MARCHF5: variants seen among roughly 807,000 people sequenced by gnomAD.
The protein encoded by MARCHF5 is E3 ubiquitin-protein ligase MARCHF5.
Under a neutral mutation model 36.5 loss-of-function variants are expected in MARCHF5, and 5 were observed. The observed-to-expected ratio is 0.14, with a 90% CI of 0.07 to 0.29. The LOEUF (loss-of-function observed/expected upper bound fraction) is 0.29, where lower values mean the gene tolerates loss of function less well. Among genes scored for constraint, MARCHF5 ranks in the 10% least tolerant of loss-of-function variants. The pLI is 1.00. For missense variants in MARCHF5, 179 were observed against 336.3 expected, an observed-to-expected ratio of 0.53 and a Z score of 3.66; for synonymous variants, 103 against 109.9, an observed-to-expected ratio of 0.94 and a Z score of 0.39.
At chr10:92,350,246 T>A (rs966168951) in intron 5 of MARCHF5, 3 of 179,320 alleles carry the variant, frequency 1.7e-5, no homozygotes, top group African/African-American at 7.2e-5. Flanking sequence ...GAGGATTGTA[T>A]AAGTACTAGC....
chr10:92,322,488 G>C (rs1438501459), intron 2 of MARCHF5, among the ~76,000 whole-genome samples: 1 of 143,380 alleles, frequency 7.0e-6, no homozygotes, highest in East Asian at 2.0e-4. Flanking sequence ...CAAACATGCT[G>C]GGATGCAGTG....
chr10:92,340,728 A>G lies in MARCHF5; in HGVS notation c.294A>G (p.Pro98=), dbSNP rs757230888. The G allele has an allele frequency of 6.8e-6, 11 of 1,613,772 alleles. 1 individual carries two copies. In the South Asian group the frequency reaches 1.1e-4, roughly 16 times the overall value. ...LADRLISKAC[P]FAAAGIMVGS... is the part of the protein sequence containing the mutation. Reference sequence around the variant, plus strand: ...ATAGACTGATCTCAAAAGCCTGTCCATTTGCTGCAGCAGGAATAATGGTCG... The same window carrying G: ...ATAGACTGATCTCAAAAGCCTGTCCGTTTGCTGCAGCAGGAATAATGGTCG... Residue 98 remains proline (P), a synonymous_variant, in exon 3 of 6, where the codon CCA becomes CCG. Coordinates refer to ENST00000358935, the MANE Select transcript of MARCHF5 (RefSeq NM_017824.5).
intron 2 of MARCHF5, among the ~76,000 whole-genome samples, chr10:92,337,251 C>G (rs1308789734): frequency 6.6e-6 from 1 of 152,074 alleles, no homozygotes; most frequent in Non-Finnish European, 1.5e-5. Flanking sequence ...CGCAGTGGCT[C>G]ACACCTGTAA....
intron 3 of MARCHF5, among the ~76,000 whole-genome samples, chr10:92,341,293 C>T (rs1843574861): frequency 6.6e-6 from 1 of 152,084 alleles, no homozygotes; most frequent in South Asian, 2.1e-4. Flanking sequence ...ATCCCAGCTA[C>T]TCAGGAGGCT....
intron 2 of MARCHF5, among the ~76,000 whole-genome samples, chr10:92,322,772 C>T (rs1843306333): frequency 2.0e-5 from 3 of 151,200 alleles, no homozygotes; most frequent in Middle Eastern, 3.4e-3. Flanking sequence ...GGAGTGTCGC[C>T]CTGTCGCCAG....
chr10:92,339,734 G>A (rs1054205490), intron 2 of MARCHF5, among the ~76,000 whole-genome samples: 1 of 152,070 alleles, frequency 6.6e-6, no homozygotes, highest in Non-Finnish European at 1.5e-5. Context: ...CTTTAAATCA[G>A]GGCTGAGACC....
chr10:92,330,343 T>G (rs1843421893), intron 2 of MARCHF5, among the ~76,000 whole-genome samples: 1 of 152,198 alleles, frequency 6.6e-6, no homozygotes. Context: ...TGAATAAAAG[T>G]AGCTGAATTA....
At chr10:92,339,405 C>G (rs1843547646) in intron 2 of MARCHF5, among the ~76,000 whole-genome samples, 1 of 151,796 alleles carries the variant, frequency 6.6e-6, no homozygotes, top group Admixed American at 6.6e-5. Flanking sequence ...TGCGGTGGCT[C>G]ACACCTGTAA....
Position 92,353,266 on chromosome 10 carries a change from C to G in MARCHF5, c.*2059C>G, listed in dbSNP as rs1291242532. 1 of 152,078 alleles carries G rather than the reference C, an allele frequency of 6.6e-6. No homozygotes were observed. Among genetic ancestry groups the G allele is most frequent in the Non-Finnish European group, 1.5e-5 (1 of 68,022 alleles). The allele number at this position is 152,078 out of a possible 1,614,324, so 9.4% of individuals were successfully genotyped here. A position where few individuals can be genotyped will look rare whatever the true frequency, so the allele number is the denominator to read the frequency against. ...GAGAAATACCACATGCCAGTCTTCCCAGGAAGGTGACCTGCCTGACCATGA... is the reference window on the plus strand; with the variant it reads ...GAGAAATACCACATGCCAGTCTTCCGAGGAAGGTGACCTGCCTGACCATGA... On this transcript the variant is annotated 3_prime_UTR_variant, in exon 6 of 6. Transcript: ENST00000358935.
chr10:92,345,267 T>C (rs180755032), intron 3 of MARCHF5, among the ~76,000 whole-genome samples: 2 of 152,154 alleles, frequency 1.3e-5, no homozygotes, highest in African/African-American at 2.4e-5. Flanking sequence ...TCCCAGCACG[T>C]TGGGAAGCTG....
At chr10:92,343,374 G>T (rs1179021431) in intron 3 of MARCHF5, among the ~76,000 whole-genome samples, 2 of 152,166 alleles carry the variant, frequency 1.3e-5, no homozygotes, top group Non-Finnish European at 2.9e-5. Context: ...TCAAATGGCA[G>T]CTAGTCCTGC....
At chr10:92,330,413 T>C (rs912418681) in intron 2 of MARCHF5, among the ~76,000 whole-genome samples, 11 of 152,218 alleles carry the variant, frequency 7.2e-5, no homozygotes, top group African/African-American at 2.7e-4. Flanking sequence ...AACTGCTCTT[T>C]ATCAAGAGAA....
intron 2 of MARCHF5, among the ~76,000 whole-genome samples, chr10:92,314,743 C>CA (rs1843187300): frequency 1.0e-5 from 1 of 95,424 alleles, no homozygotes. Context: ...CTGCTGCTTC[C>CA]CCCCGCCCCC....
intron 2 of MARCHF5, chr10:92,334,352 A>G (rs1843477412): frequency 6.6e-6 from 1 of 152,266 alleles, no homozygotes; most frequent in Admixed American, 6.5e-5. Context: ...GAAGGAACTT[A>G]TCGTCTCAGA....
intron 3 of MARCHF5, among the ~76,000 whole-genome samples, chr10:92,345,230 G>T (rs1843627550): frequency 6.6e-6 from 1 of 152,100 alleles, no homozygotes; most frequent in Non-Finnish European, 1.5e-5. Flanking sequence ...TAGGATTCTG[G>T]CCAGGTGCTG....
intron 1 of MARCHF5, among the ~76,000 whole-genome samples, chr10:92,296,629 TTAAAA>T (rs1842951702): frequency 1.3e-5 from 2 of 152,214 alleles, no homozygotes; most frequent in African/African-American, 4.8e-5. Context: ...TTCCCCCGTC[TTAAAA>T]TAAACACGCA....
At chr10:92,333,644 G>A in intron 2 of MARCHF5, 1 of 985,108 alleles carries the variant, frequency 1.0e-6, no homozygotes, top group Non-Finnish European at 1.2e-6. Context: ...ATTTTGTGGG[G>A]TAGTATGTAA....
At chr10:92,302,577 T>C (rs1186924729) in intron 1 of MARCHF5, among the ~76,000 whole-genome samples, 1 of 152,072 alleles carries the variant, frequency 6.6e-6, no homozygotes. Context: ...CCTGAGTAGC[T>C]GGGATTACAG....
At chr10:92,302,162 ACT>A (rs1310779182) in intron 1 of MARCHF5, among the ~76,000 whole-genome samples, 2 of 151,934 alleles carry the variant, frequency 1.3e-5, no homozygotes, top group East Asian at 1.9e-4. Context: ...TTCAGTACAG[ACT>A]CTTTTTTTTC....
Sources: allele counts gnomAD v4.1 joint callset (sites outside exome capture counted in the v4.1 genomes callset), GRCh38; gene constraint gnomAD v4.1.1; transcripts MANE v1.5; gene names NCBI Gene and HGNC (gene_info 2026-07-23, HGNC 2026-07-21).